The following LIFR variants were observed in gnomAD, a reference collection of about 807,000 sequenced individuals.
LIFR encodes LIF receptor subunit alpha, also known as leukemia inhibitory factor receptor.
In LIFR, 84 loss-of-function variants were observed where a neutral mutation model predicts 122.2. The ratio of observed to expected loss-of-function variants is 0.69; its 90% CI spans 0.58 to 0.82. The LOEUF is 0.82. Ranked by LOEUF, LIFR falls within the 40% of genes least tolerant of loss-of-function variation. The pLI is 0.00. For synonymous variants in LIFR, 422 were observed against 434.7 expected, an observed-to-expected ratio of 0.97 and a Z score of 0.36; for missense variants, 1,294 against 1,311.6, an observed-to-expected ratio of 0.99 and a Z score of 0.21.
At chr5:38,549,127 G>A (rs933603434) in intron 1 of LIFR, among the ~76,000 whole-genome samples, 1 of 152,116 alleles carries the variant, frequency 6.6e-6, no homozygotes, top group African/African-American at 2.4e-5. Context: ...TGCTTTATGT[G>A]TGGGAAATCC....
chr5:38,515,825 A>G (rs1020147259), intron 5 of LIFR, among the ~76,000 whole-genome samples: 1 of 152,176 alleles, frequency 6.6e-6, no homozygotes, highest in Non-Finnish European at 1.5e-5. Context: ...CAGTGTGTGC[A>G]GCACACAGCT....
chr5:38,507,415 T>G (rs925535703), intron 7 of LIFR, among the ~76,000 whole-genome samples: 5 of 151,620 alleles, frequency 3.3e-5, no homozygotes, highest in African/African-American at 9.7e-5. Flanking sequence ...AATACAAAAA[T>G]TAGCCGGGTG....
chr5:38,499,573 C>T lies in LIFR; in HGVS notation c.1611G>A (p.Lys537=). 1 of 1,605,796 alleles carries T rather than the reference C, an allele frequency of 6.2e-7. No homozygotes were observed. Reference sequence around the variant, plus strand: ...TCCACTCTCTCCAAGTATCAGGCCCCTTTGAAGGACCTAAAAAGGAGATTT... The same window carrying T: ...TCCACTCTCTCCAAGTATCAGGCCCTTTTGAAGGACCTAAAAAGGAGATTT... ...QHLTTEASPS[K]GPDTWREWSS... is the part of the protein sequence containing the mutation. The change falls in exon 12 of 20, where the codon AAG becomes AAA. Residue 537 remains lysine, a synonymous_variant. Coordinates refer to ENST00000453190, the MANE Select transcript of LIFR (RefSeq NM_001127671.2).
chr5:38,569,801 A>G (rs534552915), intron 1 of LIFR, among the ~76,000 whole-genome samples: 1 of 152,328 alleles, frequency 6.6e-6, no homozygotes, highest in South Asian at 2.1e-4. Flanking sequence ...CTTCAAGGCT[A>G]TATCAAATTC....
upstream of LIFR, chr5:38,557,382 TCAC>T (rs566010996): frequency 1.2e-3 from 178 of 154,412 alleles, no homozygotes; most frequent in African/African-American, 4.2e-3. Context: ...AGCAGAGTAA[TCAC>T]CAAATGAAAT....
chr5:38,603,341 C>G (rs1204422793), intron 2 of LIFR, among the ~76,000 whole-genome samples: 1 of 152,198 alleles, frequency 6.6e-6, no homozygotes, highest in Non-Finnish European at 1.5e-5. Context: ...GGATTTGCCG[C>G]TGGTAACTGA....
intron 1 of LIFR, among the ~76,000 whole-genome samples, chr5:38,588,987 T>G (rs1462382155): frequency 1.4e-5 from 2 of 141,682 alleles, no homozygotes; most frequent in African/African-American, 5.2e-5. Flanking sequence ...TTTGAAGAGC[T>G]CTATGTTATT....
upstream of LIFR, among the ~76,000 whole-genome samples, chr5:38,597,768 C>T (rs142568457): frequency 2.0e-5 from 3 of 152,122 alleles, no homozygotes; most frequent in East Asian, 1.9e-4. Flanking sequence ...GGAGACGGAG[C>T]GTGGCAGTGG....
intron 1 of LIFR, among the ~76,000 whole-genome samples, chr5:38,569,558 G>A (rs559963884): frequency 2.6e-5 from 4 of 152,156 alleles, no homozygotes; most frequent in Admixed American, 1.3e-4. Context: ...TCTAATGCCC[G>A]ATGTGATCTG....
At chr5:38,552,645 TTTG>T (rs1444527393) in intron 1 of LIFR, among the ~76,000 whole-genome samples, 19 of 152,216 alleles carry the variant, frequency 1.2e-4, no homozygotes, top group African/African-American at 4.6e-4. Flanking sequence ...ACTGAAAAGG[TTTG>T]TTTTTAAGGT....
intron 1 of LIFR, among the ~76,000 whole-genome samples, chr5:38,606,752 C>T (rs1263435628): frequency 6.6e-6 from 1 of 152,186 alleles, no homozygotes; most frequent in Non-Finnish European, 1.5e-5. Flanking sequence ...TCATGCCTGT[C>T]CCACTGCCAA....
At chr5:38,602,691 T>G (rs1221359190) in intron 2 of LIFR, among the ~76,000 whole-genome samples, 2 of 152,170 alleles carry the variant, frequency 1.3e-5, no homozygotes, top group Non-Finnish European at 2.9e-5. Context: ...AAAACTGTAT[T>G]CCTTGGATTG....
intron 5 of LIFR, 85 bp from the exon 6 acceptor site, chr5:38,512,049 C>G: frequency 1.5e-6 from 2 of 1,340,262 alleles, no homozygotes; most frequent in Non-Finnish European, 2.1e-6. Context: ...ACAATAGATT[C>G]CATACAATCA....
chr5:38,479,982 C>A lies in LIFR; in HGVS notation c.*1613G>T. On this transcript the variant is annotated 3_prime_UTR_variant, in exon 20 of 20. Coordinates refer to ENST00000453190, the MANE Select transcript of LIFR (RefSeq NM_001127671.2). ...AAAATCAGGATTCATACACAGAGAA[C>A]CTAAATAGATTTTGTCACTTGTCAC... The A allele has an allele frequency of 4.5e-6, 1 of 223,936 alleles. No individual in the cohort carries two copies. The highest frequency in any genetic ancestry group is 8.9e-6 in the Non-Finnish European group (1 of 112,496). 13.9% of individuals were successfully genotyped at this position (223,936 alleles called of 1,614,324 possible).
In LIFR at chr5:38,481,888, A is replaced by G. The variant is rs371037464; in HGVS notation, c.3001T>C (p.Tyr1001His). The change falls in exon 20 of 20, where the codon TAT (tyrosine) becomes CAT (histidine). Residue 1001 changes from tyrosine to histidine, a missense_variant. Coordinates refer to ENST00000453190, the MANE Select transcript of LIFR (RefSeq NM_001127671.2). Reference sequence around the variant, plus strand: ...ATGGGGAGGTGCATCTGTGGCTTATAGCCTGCCCCTCCTACAGGGTCATTT... The same window carrying G: ...ATGGGGAGGTGCATCTGTGGCTTATGGCCTGCCCCTCCTACAGGGTCATTT... ...QENDPVGGAG[Y>H]KPQMHLPINS... 3 of 1,614,134 alleles carry G rather than the reference A, an allele frequency of 1.9e-6. No homozygotes were observed. Among genetic ancestry groups the G allele is most frequent in the Non-Finnish European group, 2.5e-6 (3 of 1,180,012 alleles).
chr5:38,499,053 T>C (rs928983717), intron 12 of LIFR, among the ~76,000 whole-genome samples: 5 of 152,126 alleles, frequency 3.3e-5, no homozygotes, highest in Admixed American at 6.6e-5. Context: ...TAGTAAAATA[T>C]GCAATTCATA....
chr5:38,484,630 T>C (rs977065038), intron 18 of LIFR, 145 bp downstream of exon 18: 1 of 644,488 alleles, frequency 1.6e-6, no homozygotes, highest in Non-Finnish European at 2.8e-6. Context: ...TAATATTAAA[T>C]CCAACATTAA....
At chr5:38,513,102 T>C (rs980290164) in intron 5 of LIFR, among the ~76,000 whole-genome samples, 3 of 152,160 alleles carry the variant, frequency 2.0e-5, no homozygotes, top group Non-Finnish European at 4.4e-5. Context: ...ACTATTTCCT[T>C]CTCCCTTACC....
intron 2 of LIFR, among the ~76,000 whole-genome samples, chr5:38,605,963 C>T (rs1324202007): frequency 6.6e-6 from 1 of 152,164 alleles, no homozygotes; most frequent in African/African-American, 2.4e-5. Flanking sequence ...GTCAGGACCT[C>T]CTGAGGAAGT....
Sources: allele counts gnomAD v4.1 joint callset (sites outside exome capture counted in the v4.1 genomes callset), GRCh38; gene constraint gnomAD v4.1.1; transcripts MANE v1.5; gene names NCBI Gene and HGNC (gene_info 2026-07-23, HGNC 2026-07-21).